THEMIS: variants seen among roughly 807,000 people sequenced by gnomAD.
THEMIS encodes the protein thymocyte selection associated.
THEMIS carries 37 observed loss-of-function variants against 52.6 expected under a neutral mutation model. The observed-to-expected ratio is 0.70, with a 90% confidence interval of 0.54 to 0.93. The LOEUF is 0.93. Ranked by LOEUF, THEMIS falls within the 40% of genes least tolerant of loss-of-function variation. The pLI, the probability that THEMIS is intolerant of heterozygous loss-of-function variation, is 0.00. For synonymous variants in THEMIS, 292 were observed against 272.7 expected (o/e 1.07, Z -0.70); for missense variants, 808 against 763.1 (o/e 1.06, Z -0.69).
chr6:127,805,494 T>C lies in THEMIS; in HGVS notation c.1758+7389A>G, dbSNP rs369411895. On this transcript the variant is annotated intron_variant, in intron 4 of 5. Coordinates refer to ENST00000368248, the MANE Select transcript of THEMIS (RefSeq NM_001010923.3). Reference sequence around the variant, plus strand: ...TATGGGCCCTCCGGTCTCTTAAATTTAAAGTTCATTTTCACTTTCTACTCT... The same window carrying C: ...TATGGGCCCTCCGGTCTCTTAAATTCAAAGTTCATTTTCACTTTCTACTCT... Among the ~76,000 whole-genome samples the C allele has an allele frequency of 7.9e-5, 12 of 152,238 alleles. No homozygotes were observed. The East Asian group carries it at 1.9e-3, about 24-fold the overall frequency.
intron 4 of THEMIS, among the ~76,000 whole-genome samples, chr6:127,760,617 T>A (rs1270407025): frequency 6.6e-6 from 1 of 151,928 alleles, no homozygotes; most frequent in South Asian, 2.1e-4. Context: ...ATACTCTATC[T>A]CTACAAAAAA....
intron 4 of THEMIS, among the ~76,000 whole-genome samples, chr6:127,802,486 G>A (rs1314965882): frequency 6.6e-6 from 1 of 152,212 alleles, no homozygotes; most frequent in African/African-American, 2.4e-5. Context: ...CAGAGGCAAA[G>A]AGGCAATCAG....
At chr6:127,698,468 A>G in the THEMIS span, among the ~76,000 whole-genome samples, 8 of 152,046 alleles carry the variant, frequency 5.3e-5, no homozygotes, top group East Asian at 1.3e-3. Flanking sequence ...GTTAATATCC[A>G]TTGTTTCAGA....
chr6:127,800,828 G>A, intron 4 of THEMIS, among the ~76,000 whole-genome samples: 1 of 152,250 alleles, frequency 6.6e-6, no homozygotes, highest in East Asian at 1.9e-4. Context: ...TTTTGGAATT[G>A]GACTGGCTCT....
intron 3 of THEMIS, among the ~76,000 whole-genome samples, chr6:127,829,083 CTT>C (rs1035106893): frequency 6.6e-6 from 1 of 152,102 alleles, no homozygotes; most frequent in South Asian, 2.1e-4. Context: ...ATCAAGGAAA[CTT>C]TGCATATTTA....
At chr6:127,716,425 C>T (rs1178201935) in intron 5 of THEMIS, among the ~76,000 whole-genome samples, 1 of 151,868 alleles carries the variant, frequency 6.6e-6, no homozygotes, top group Non-Finnish European at 1.5e-5. Context: ...CCACATTGCC[C>T]ATAACCATAG....
At chr6:127,714,285 G>A (rs1774083733) in intron 5 of THEMIS, among the ~76,000 whole-genome samples, 1 of 151,920 alleles carries the variant, frequency 6.6e-6, no homozygotes, top group Admixed American at 6.6e-5. Context: ...TGACTGTGCT[G>A]ATAGAACACT....
chr6:127,739,640 G>A (rs1159010654), intron 4 of THEMIS, among the ~76,000 whole-genome samples: 4 of 152,044 alleles, frequency 2.6e-5, no homozygotes, highest in African/African-American at 4.8e-5. Context: ...ACTCCTTCTC[G>A]TAAAAAGAAG....
chr6:127,732,548 T>G (rs1185529870), intron 4 of THEMIS, among the ~76,000 whole-genome samples: 1 of 152,180 alleles, frequency 6.6e-6, no homozygotes, highest in Admixed American at 6.5e-5. Context: ...CTCAACCTAA[T>G]CACATTTCCA....
At chr6:127,913,395 G>A (rs1781454038) in intron 1 of THEMIS, among the ~76,000 whole-genome samples, 2 of 152,262 alleles carry the variant, frequency 1.3e-5, no homozygotes, top group African/African-American at 2.4e-5. Context: ...TTTAGGGAAA[G>A]GAGATTTGGG....
chr6:127,761,025 GA>G (rs1776004498), intron 4 of THEMIS, among the ~76,000 whole-genome samples: 1 of 152,076 alleles, frequency 6.6e-6, no homozygotes, highest in Non-Finnish European at 1.5e-5. Flanking sequence ...TAGAATGGGA[GA>G]AAATGTTTGC....
chr6:127,699,893 T>C, the THEMIS span, among the ~76,000 whole-genome samples: 1 of 151,998 alleles, frequency 6.6e-6, no homozygotes, highest in East Asian at 1.9e-4. Flanking sequence ...TCATGACTTG[T>C]GTTGGGCAAA....
intron 1 of THEMIS, among the ~76,000 whole-genome samples, chr6:127,866,142 C>T (rs927069008): frequency 2.6e-5 from 4 of 151,850 alleles, no homozygotes; most frequent in African/African-American, 9.7e-5. Context: ...GATTTTCTTC[C>T]TTATATCTTT....
chr6:127,764,993 A>G (rs1177728814), intron 4 of THEMIS, among the ~76,000 whole-genome samples: 2 of 152,046 alleles, frequency 1.3e-5, no homozygotes, highest in Admixed American at 6.6e-5. Flanking sequence ...AGTCTCTCAT[A>G]AATCTAATCT....
chr6:127,819,116 T>C (rs1778238204), intron 3 of THEMIS, among the ~76,000 whole-genome samples: 1 of 39,486 alleles, frequency 2.5e-5, no homozygotes, highest in Non-Finnish European at 4.3e-5. Context: ...TGAGACTCTG[T>C]CTAAAAAAAA....
chr6:127,839,885 C>A (rs1778990921), intron 2 of THEMIS, among the ~76,000 whole-genome samples: 1 of 151,964 alleles, frequency 6.6e-6, no homozygotes, highest in African/African-American at 2.4e-5. Flanking sequence ...CTGTCAGGCC[C>A]TGCCATTTTC....
chr6:127,895,645 T>C (rs985590991), intron 1 of THEMIS, among the ~76,000 whole-genome samples: 2 of 151,494 alleles, frequency 1.3e-5, no homozygotes, highest in Non-Finnish European at 3.0e-5. Context: ...GTAGAAGATA[T>C]TTTATTCTCT....
intron 1 of THEMIS, among the ~76,000 whole-genome samples, chr6:127,914,846 T>A (rs2114539014): frequency 6.6e-6 from 1 of 152,346 alleles, no homozygotes; most frequent in South Asian, 2.1e-4. Flanking sequence ...AGTTCTATTT[T>A]GTTTGAAACA....
upstream of THEMIS, among the ~76,000 whole-genome samples, chr6:127,905,388 C>G (rs190784235): frequency 6.1e-4 from 93 of 152,088 alleles, no homozygotes; most frequent in African/African-American, 2.1e-3. Context: ...ACTTGATATT[C>G]TAAATCCAGA....
Sources: allele counts gnomAD v4.1 joint callset (sites outside exome capture counted in the v4.1 genomes callset), GRCh38; gene constraint gnomAD v4.1.1; transcripts MANE v1.5; gene names NCBI Gene and HGNC (gene_info 2026-07-23, HGNC 2026-07-21).